The following TYW1 variants were observed in gnomAD, a reference collection of about 807,000 sequenced individuals.
The protein encoded by TYW1 is S-adenosyl-L-methionine-dependent tRNA 4-demethylwyosine synthase TYW1.
Under a neutral mutation model 96.2 loss-of-function variants are expected in TYW1, and 46 were observed. That is an observed-to-expected ratio of 0.48 (90% confidence interval 0.38 to 0.61). The LOEUF (loss-of-function observed/expected upper bound fraction) is 0.61, where lower values mean the gene tolerates loss of function less well. Among genes scored for constraint, TYW1 ranks in the 20% least tolerant of loss-of-function variants. The probability of loss-of-function intolerance (pLI) is 0.00; values close to 1 mark genes in which losing one functional copy is unlikely to be tolerated. For synonymous variants in TYW1, 274 were observed against 323.0 expected (o/e 0.85, Z 1.63); for missense variants, 684 against 909.6 (o/e 0.75, Z 3.19).
intron 9 of TYW1, among the ~76,000 whole-genome samples, chr7:67,066,628 C>T (rs1342630882): frequency 1.3e-5 from 2 of 152,124 alleles, no homozygotes; most frequent in African/African-American, 4.8e-5. Context: ...GTGGGAGGAT[C>T]GCTTGAGACC....
chr7:67,040,718 G>A (rs890240212), intron 7 of TYW1, among the ~76,000 whole-genome samples: 2 of 151,892 alleles, frequency 1.3e-5, no homozygotes, highest in African/African-American at 4.8e-5. Flanking sequence ...GATGGTGCGT[G>A]CCTATAATCC....
At chr7:67,149,764 A>ATCTATCTG (rs1252376337) in intron 13 of TYW1, among the ~76,000 whole-genome samples, 1 of 83,256 alleles carries the variant, frequency 1.2e-5, no homozygotes, top group Non-Finnish European at 2.5e-5. Flanking sequence ...CTATCTATCT[A>ATCTATCTG]TCTATCTATC....
chr7:67,177,629 C>T (rs1476505468), intron 13 of TYW1, among the ~76,000 whole-genome samples: 1 of 152,204 alleles, frequency 6.6e-6, no homozygotes, highest in South Asian at 2.1e-4. Context: ...CTTACATCCA[C>T]AGGCAGATGC....
intron 13 of TYW1, among the ~76,000 whole-genome samples, chr7:67,146,370 C>A (rs1359630888): frequency 1.3e-5 from 2 of 151,780 alleles, no homozygotes; most frequent in Non-Finnish European, 2.9e-5. Flanking sequence ...ATTCACTCAA[C>A]AAATATTTAT....
At chr7:67,056,101 G>A (rs961327200) in intron 9 of TYW1, among the ~76,000 whole-genome samples, 4 of 152,184 alleles carry the variant, frequency 2.6e-5, no homozygotes, top group African/African-American at 9.7e-5. Flanking sequence ...CCCCACCCCA[G>A]TGAATTTATT....
chr7:67,229,347 G>A (rs1406247022), intron 15 of TYW1, among the ~76,000 whole-genome samples: 1 of 151,978 alleles, frequency 6.6e-6, no homozygotes, highest in Admixed American at 6.6e-5. Context: ...AGACCAGCCA[G>A]GCCAACGTAG....
chr7:67,082,157 G>A (rs900163556), intron 10 of TYW1, among the ~76,000 whole-genome samples: 3 of 151,690 alleles, frequency 2.0e-5, no homozygotes, highest in Admixed American at 6.6e-5. Flanking sequence ...GAATTATTGT[G>A]TTTCTTTGGG....
At position 67,176,021 on chromosome 7, in the gene TYW1, T is replaced by A. The variant is rs1332981933; in HGVS notation, c.1699-7105T>A. Among the ~76,000 whole-genome samples the A allele has an allele frequency of 1.3e-4, 20 of 152,176 alleles. 1 individual carries two copies. The highest frequency in any genetic ancestry group is 1.2e-3 in the Admixed American group (18 of 15,272). ...CAATCCTTTCCAAAATTTGTAATTA[T>A]TCGCTTTAATAAATGTATTTTACAA... On this transcript the variant is annotated intron_variant, in intron 13 of 15. Transcript: ENST00000359626.
chr7:67,086,316 A>G (rs1584542786), intron 11 of TYW1, among the ~76,000 whole-genome samples: 1 of 152,140 alleles, frequency 6.6e-6, no homozygotes, highest in Admixed American at 6.5e-5. Flanking sequence ...TTAATAATTG[A>G]TTGTTGATCT....
At chr7:67,050,575 C>A (rs559036062) in intron 8 of TYW1, among the ~76,000 whole-genome samples, 36 of 152,216 alleles carry the variant, frequency 2.4e-4, no homozygotes, top group East Asian at 9.7e-4. Context: ...TTTATGTGAC[C>A]GTTCTGGCAA....
intron 12 of TYW1, among the ~76,000 whole-genome samples, chr7:67,105,499 A>G (rs4717348): frequency 0.016 from 2,461 of 152,282 alleles, 32 homozygotes; most frequent in Admixed American, 0.044. Context: ...TGAAAAACCA[A>G]GAGGTTTTAC....
At chr7:67,220,377 G>A (rs1801349535) in intron 15 of TYW1, among the ~76,000 whole-genome samples, 1 of 151,440 alleles carries the variant, frequency 6.6e-6, no homozygotes, top group African/African-American at 2.4e-5. Flanking sequence ...CTAATTTTTT[G>A]TATTTTTAGT....
intron 4 of TYW1, among the ~76,000 whole-genome samples, chr7:67,012,600 A>C (rs1287489196): frequency 6.6e-6 from 1 of 152,278 alleles, no homozygotes; most frequent in Middle Eastern, 3.4e-3. Flanking sequence ...ACACCAGGCT[A>C]TCAAGACTAA....
chr7:67,205,012 C>A (rs1254393595), intron 15 of TYW1, among the ~76,000 whole-genome samples: 1 of 152,184 alleles, frequency 6.6e-6, no homozygotes, highest in Non-Finnish European at 1.5e-5. Flanking sequence ...TGTCTTTTCT[C>A]ATTCAAGTTG....
intron 14 of TYW1, among the ~76,000 whole-genome samples, chr7:67,189,942 G>T (rs916343598): frequency 1.3e-5 from 2 of 151,310 alleles, no homozygotes; most frequent in African/African-American, 4.9e-5. Context: ...CTTGTGAAAA[G>T]GTTTCATGTT....
At chr7:67,105,054 A>C (rs1797194412) in intron 12 of TYW1, among the ~76,000 whole-genome samples, 1 of 152,232 alleles carries the variant, frequency 6.6e-6, no homozygotes. Flanking sequence ...GCACTTTATC[A>C]CAGGGTGGCA....
At chr7:67,051,505 A>G (rs2115562190) in intron 8 of TYW1, among the ~76,000 whole-genome samples, 1 of 152,158 alleles carries the variant, frequency 6.6e-6, no homozygotes, top group African/African-American at 2.4e-5. Context: ...ACACTTTATT[A>G]TTATTTTTTT....
chr7:67,225,486 A>T (rs1801531704), intron 15 of TYW1, among the ~76,000 whole-genome samples: 2 of 152,120 alleles, frequency 1.3e-5, no homozygotes, highest in South Asian at 4.1e-4. Flanking sequence ...GGAGATAATA[A>T]AACTTGTAGT....
At chr7:67,083,899 A>G (rs1454234208) in intron 11 of TYW1, among the ~76,000 whole-genome samples, 2 of 152,034 alleles carry the variant, frequency 1.3e-5, no homozygotes, top group Admixed American at 6.6e-5. Context: ...ACTGGACATG[A>G]TGGTGGTTGC....
Sources: allele counts gnomAD v4.1 joint callset (sites outside exome capture counted in the v4.1 genomes callset), GRCh38; gene constraint gnomAD v4.1.1; transcripts MANE v1.5; gene names NCBI Gene and HGNC (gene_info 2026-07-23, HGNC 2026-07-21).